The following RPA1 variants were observed in gnomAD, a reference collection of about 807,000 sequenced individuals.
RPA1 encodes the protein replication protein A 70 kDa DNA-binding subunit.
In RPA1, 49 loss-of-function variants were observed where a neutral mutation model predicts 83.0. The ratio of observed to expected loss-of-function variants is 0.59; its 90% CI spans 0.47 to 0.75. The LOEUF is 0.75. Ranked by LOEUF, RPA1 falls within the 30% of genes least tolerant of loss-of-function variation. The probability of loss-of-function intolerance (pLI) is 0.00; values close to 1 mark genes in which losing one functional copy is unlikely to be tolerated. For missense variants in RPA1, 693 were observed against 776.1 expected (o/e 0.89, Z 1.27); for synonymous variants, 279 against 281.8 (o/e 0.99, Z 0.10).
chr17:1,866,509 G>GT (rs1446222046), intron 5 of RPA1, among the ~76,000 whole-genome samples: 1 of 152,104 alleles, frequency 6.6e-6, no homozygotes, highest in Non-Finnish European at 1.5e-5. Flanking sequence ...TAGAGATGGG[G>GT]TTTTACCATG....
chr17:1,884,207 G>C lies in RPA1; in HGVS notation c.1374+263G>C, dbSNP rs1046508189. Among the ~76,000 whole-genome samples, 1 of 152,202 alleles carries C rather than the reference G, an allele frequency of 6.6e-6. No individual in the cohort carries two copies. Among genetic ancestry groups the C allele is most frequent in the Non-Finnish European group, 1.5e-5 (1 of 68,040 alleles). On this transcript the variant is annotated intron_variant, in intron 13 of 16. Transcript: ENST00000254719. This position sits in a 1 kb window ranked among gnomAD's most constrained non-coding sequence, Gnocchi z 4.1. ...CAATTCCTAGAGGGATCTTGGAGCA[G>C]GGGTGACAGTCAAGCTTTGTGGTAT...
rs1024908348 is a variant in RPA1 at position 1,888,560 on chromosome 17, T to G, written c.1375-115T>G. On this transcript the variant is annotated intron_variant, in intron 13 of 16. Transcript: ENST00000254719. ...GATTCCCTGTGATCATGTGTAATCT[T>G]GAGGATGTAGAAACACTTACCACCT... 7.4e-6 allele frequency: 7 copies of G among 946,536 alleles called. No individual in the cohort carries two copies. In the South Asian group the frequency reaches 1.1e-4, roughly 15 times the overall value. The allele number at this position is 946,536 out of a possible 1,614,324, so 58.6% of individuals were successfully genotyped here.
At chr17:1,871,486 C>T (rs980656260) in intron 5 of RPA1, among the ~76,000 whole-genome samples, 1 of 152,100 alleles carries the variant, frequency 6.6e-6, no homozygotes, top group Non-Finnish European at 1.5e-5. Context: ...CCGTGGGTAC[C>T]ATTTTTGTTC....
chr17:1,863,308 C>T (rs935445518), intron 5 of RPA1, among the ~76,000 whole-genome samples: 5 of 151,446 alleles, frequency 3.3e-5, no homozygotes, highest in African/African-American at 9.7e-5. Context: ...ACCTCCCGGG[C>T]TCAAGCGATT....
rs749661606 is a variant in RPA1 at position 1,843,997 on chromosome 17, C to G, written c.162C>G (p.Ser54=). The change falls in exon 3 of 17, where the codon TCC becomes TCG. Residue 54 remains serine (S), a splice_region_variant and synonymous_variant. Transcript: ENST00000254719. ...TGAGTGATGGATTGAACACTCTATC[C>G]TGTGAGTATGGTGTATCCATCTAGA... ...LLMSDGLNTL[S]SFMLATQLNP... 5.0e-6 allele frequency: 8 copies of G among 1,612,402 alleles called. No individual in the cohort carries two copies. The highest frequency in any genetic ancestry group is 6.8e-6 in the Non-Finnish European group (8 of 1,178,736).
intron 6 of RPA1, 83 bp downstream of exon 6, chr17:1,872,609 G>A: frequency 6.4e-7 from 1 of 1,552,880 alleles, no homozygotes; most frequent in Non-Finnish European, 8.7e-7. Flanking sequence ...GGACTAAAGG[G>A]AGTTTTCCAA....
chr17:1,838,270 A>G lies in RPA1; in HGVS notation c.34-4533A>G, dbSNP rs190389573. Among the ~76,000 whole-genome samples, 892 of 151,718 alleles carry G rather than the reference A, an allele frequency of 5.9e-3. 3 individuals are homozygous for G. The highest frequency in any genetic ancestry group is 9.9e-3 in the Non-Finnish European group (673 of 67,976). On this transcript the variant is annotated intron_variant, in intron 1 of 16. Coordinates refer to ENST00000254719, the MANE Select transcript of RPA1 (RefSeq NM_002945.5). ...CGCACCACTGCACTCCAGCCTGGGC[A>G]ACAGAGCAAAACTCCGTCTCAAAAA...
At chr17:1,870,103 T>A (rs1913322507) in intron 5 of RPA1, among the ~76,000 whole-genome samples, 1 of 152,176 alleles carries the variant, frequency 6.6e-6, no homozygotes, top group Non-Finnish European at 1.5e-5. Flanking sequence ...TTGAGCCAGT[T>A]ACGTGGTTCC....
chr17:1,881,802 AGTGC>A (rs1448842314), intron 12 of RPA1, among the ~76,000 whole-genome samples: 3 of 152,200 alleles, frequency 2.0e-5, no homozygotes, highest in African/African-American at 7.2e-5. Context: ...AGACAAGCTC[AGTGC>A]ATACATGATA....
At chr17:1,862,277 C>T (rs1160658018) in intron 5 of RPA1, among the ~76,000 whole-genome samples, 3 of 149,508 alleles carry the variant, frequency 2.0e-5, no homozygotes, top group African/African-American at 2.5e-5. Context: ...TCAAGCAATC[C>T]GCCCACCTGA....
At chr17:1,837,165 TG>T (rs1441491135) in intron 1 of RPA1, among the ~76,000 whole-genome samples, 7 of 152,074 alleles carry the variant, frequency 4.6e-5, no homozygotes, top group African/African-American at 1.7e-4. Flanking sequence ...GATGGAGTCT[TG>T]GTGTGTTGTC....
At position 1,844,639 on chromosome 17, in the gene RPA1, T is replaced by G. The variant is rs1292876355; in HGVS notation, c.225T>G (p.Cys75Trp). 1 of 1,613,748 alleles carries G rather than the reference T, an allele frequency of 6.2e-7. No homozygotes were observed. Among genetic ancestry groups the G allele is most frequent in the Non-Finnish European group, 8.5e-7 (1 of 1,179,924 alleles). Residue 75 changes from cysteine (C) to tryptophan (W), a missense_variant, in exon 4 of 17, where the codon TGT becomes TGG. Coordinates refer to ENST00000254719, the MANE Select transcript of RPA1 (RefSeq NM_002945.5). ...LVEEEQLSSN[C>W]VCQIHRFIVN... is the part of the protein sequence containing the mutation. ...AGGAAGAACAATTGTCCAGCAACTG[T>G]GTATGCCAGATTCACAGATTTATTG...
At position 1,897,304 on chromosome 17, in the gene RPA1, C is replaced by T. The variant is rs1914480167; in HGVS notation, c.*129C>T. 1.4e-6 allele frequency: 1 copy of T among 710,282 alleles called. No individual in the cohort carries two copies. Among genetic ancestry groups the T allele is most frequent in the Admixed American group, 2.8e-5 (1 of 35,126 alleles). The allele number at this position is 710,282 out of a possible 1,614,324, so 44.0% of individuals were successfully genotyped here. On this transcript the variant is annotated 3_prime_UTR_variant, in exon 17 of 17. Transcript: ENST00000254719. Reference sequence around the variant, plus strand: ...CTCTTGATGGTGGACTAAGCAATTTCCCCCCTCGTGCGCATCTCAGAACCC... The same window carrying T: ...CTCTTGATGGTGGACTAAGCAATTTTCCCCCTCGTGCGCATCTCAGAACCC...
At chr17:1,861,649 G>A (rs1912975298) in intron 5 of RPA1, among the ~76,000 whole-genome samples, 1 of 151,834 alleles carries the variant, frequency 6.6e-6, no homozygotes, top group South Asian at 2.1e-4. Context: ...CATTTGTGCT[G>A]CTCTTCGTTA....
intron 13 of RPA1, among the ~76,000 whole-genome samples, chr17:1,886,162 G>A (rs904929701): frequency 6.6e-6 from 1 of 152,172 alleles, no homozygotes; most frequent in Non-Finnish European, 1.5e-5. Context: ...GCTCTCGGGT[G>A]AACAGGTGCA....
Position 1,883,105 on chromosome 17 carries a change from G to A in RPA1, c.1242-707G>A, listed in dbSNP as rs113263978. ...GGAGGCCGAGGGAGGAGGATTGTCTGAGTCCAGGAGTTTGAGATCAGCCTG... is the reference window on the plus strand; with the variant it reads ...GGAGGCCGAGGGAGGAGGATTGTCTAAGTCCAGGAGTTTGAGATCAGCCTG... On this transcript the variant is annotated intron_variant, in intron 12 of 16. Transcript: ENST00000254719. 1.1e-4 allele frequency among the ~76,000 whole-genome samples: 17 copies of A among 152,296 alleles called. 1 individual carries two copies. Among genetic ancestry groups the A allele is most frequent in the Admixed American group, 5.2e-4 (8 of 15,294 alleles).
intron 6 of RPA1, among the ~76,000 whole-genome samples, chr17:1,874,008 A>T (rs1454500482): frequency 1.2e-4 from 12 of 102,350 alleles, no homozygotes; most frequent in African/African-American, 4.8e-4. Flanking sequence ...AAAAAAAAAA[A>T]AAAAATATAT....
At chr17:1,885,116 G>T (rs1003501714) in intron 13 of RPA1, among the ~76,000 whole-genome samples, 1 of 152,082 alleles carries the variant, frequency 6.6e-6, no homozygotes, top group Non-Finnish European at 1.5e-5. Flanking sequence ...TCCCTCTCAG[G>T]TCCTGTCACT....
Position 1,830,144 on chromosome 17 carries a change from G to A in RPA1, c.33+18G>A, listed in dbSNP as rs764461026. On this transcript the variant is annotated intron_variant, in intron 1 of 16. Transcript: ENST00000254719. ...CCATTGCGGTGAGGAGGTGCCGGGG[G>A]CTGGGCCGGCGGTCCGGGGTGGCTG... 3.2e-6 allele frequency: 4 copies of A among 1,242,952 alleles called. No homozygotes were observed. Among genetic ancestry groups the A allele is most frequent in the Non-Finnish European group, 4.1e-6 (4 of 987,054 alleles). The allele number at this position is 1,242,952 out of a possible 1,614,324, so 77.0% of individuals were successfully genotyped here. A position where few individuals can be genotyped will look rare whatever the true frequency, so the allele number is the denominator to read the frequency against.
Sources: allele counts gnomAD v4.1 joint callset (sites outside exome capture counted in the v4.1 genomes callset), GRCh38; gene constraint gnomAD v4.1.1; non-coding constraint Gnocchi (gnomAD v3.1); transcripts MANE v1.5; gene names NCBI Gene and HGNC (gene_info 2026-07-23, HGNC 2026-07-21).